Variants in ARID2 observed in about 807,000 individuals in gnomAD.
ARID2 encodes AT-rich interaction domain 2.
In ARID2, 32 loss-of-function variants were observed where a neutral mutation model predicts 184.6. The ratio of observed to expected loss-of-function variants is 0.17; its 90% CI spans 0.13 to 0.23. The LOEUF is 0.23. Among genes scored for constraint, ARID2 ranks in the 10% least tolerant of loss-of-function variants. The probability of loss-of-function intolerance (pLI) is 1.00; values close to 1 mark genes in which losing one functional copy is unlikely to be tolerated. For synonymous variants in ARID2, 836 were observed against 772.6 expected (o/e 1.08, Z -1.36); for missense variants, 1,696 against 2,197.6 (o/e 0.77, Z 4.56).
rs149673062 is a variant in ARID2, at chr12:45,810,131, T to G, written c.285-1287T>G. On this transcript the variant is annotated intron_variant, in intron 3 of 20. Coordinates refer to ENST00000334344, the MANE Select transcript of ARID2 (RefSeq NM_152641.4). ...ACTTTTCTTTGGTAAATGTAAGTCA[T>G]TATATATCAATCAGTTTAACTTCTT... 8.0e-3 allele frequency among the ~76,000 whole-genome samples: 1,224 copies of G among 152,320 alleles called. 19 individuals carry two copies. The highest frequency in any genetic ancestry group is 0.068 in the South Asian group (326 of 4,822).
At chr12:45,780,423 T>C (rs1335600987) in intron 3 of ARID2, among the ~76,000 whole-genome samples, 7 of 152,266 alleles carry the variant, frequency 4.6e-5, no homozygotes, top group African/African-American at 1.4e-4. Flanking sequence ...AAAAGTGATG[T>C]GATTAGTATC....
chr12:45,899,486 G>C (rs1477528645), intron 20 of ARID2, among the ~76,000 whole-genome samples: 1 of 149,606 alleles, frequency 6.7e-6, no homozygotes, highest in East Asian at 2.0e-4. Context: ...GGCGCCTGTA[G>C]TCCCAGCTAC....
intron 3 of ARID2, among the ~76,000 whole-genome samples, chr12:45,784,782 C>G (rs1430819689): frequency 6.6e-6 from 1 of 152,142 alleles, no homozygotes; most frequent in Non-Finnish European, 1.5e-5. Flanking sequence ...TTGACTAATT[C>G]CAGGCAGACC....
At chr12:45,789,323 G>C (rs1942251106) in intron 3 of ARID2, 1 of 152,066 alleles carries the variant, frequency 6.6e-6, no homozygotes, top group Non-Finnish European at 1.5e-5. Context: ...ATCTTAGGTT[G>C]GTTCTTCAGA....
intron 15 of ARID2, 90 bp from the exon 16 acceptor site, chr12:45,860,711 A>G (rs1183350847): frequency 1.7e-5 from 20 of 1,145,720 alleles, no homozygotes; most frequent in Non-Finnish European, 2.2e-5. Context: ...AGAAATGTAT[A>G]ACAACATAAT....
Position 45,847,039 on chromosome 12 carries a change from T to C in ARID2, c.1580+102T>C, listed in dbSNP as rs118134963. On this transcript the variant is annotated intron_variant, in intron 12 of 20. Transcript: ENST00000334344. ...ACATCCAGAATGTTTTGTTCTGTATTCCTTTTTAGTTAGAGTAGAATATCA... is the reference window on the plus strand; with the variant it reads ...ACATCCAGAATGTTTTGTTCTGTATCCCTTTTTAGTTAGAGTAGAATATCA... 6.7e-4 allele frequency: 661 copies of C among 991,412 alleles called. 3 individuals carry two copies. In the East Asian group the frequency reaches 0.015, roughly 22 times the overall value. 61.4% of individuals were successfully genotyped at this position (991,412 alleles called of 1,614,324 possible).
At position 45,852,199 on chromosome 12, in the gene ARID2, A is replaced by G. The variant is rs745425739; in HGVS notation, c.4076A>G (p.Asn1359Ser). 6.2e-7 allele frequency: 1 copy of G among 1,614,166 alleles called. No homozygotes were observed. The highest frequency in any genetic ancestry group is 8.5e-7 in the Non-Finnish European group (1 of 1,180,016). Residue 1359 changes from asparagine (N) to serine (S), a missense_variant, in exon 15 of 21, where the codon AAT becomes AGT. By Grantham distance (46) the Asn-to-Ser change is conservative. Around this residue, in one of 11 missense-constraint regions of ARID2, gnomAD observed 428 missense variants for 409.1 expected, o/e 1.05. Transcript: ENST00000334344. ...AGTGATTTGAGAAAACCGCTAGTTA[A>G]TGGAATCTGTGATTTTGATAAAGGA... ...IKSDLRKPLV[N>S]GICDFDKGDG...
chr12:45,830,244 G>T (rs953771047), intron 6 of ARID2, among the ~76,000 whole-genome samples: 1 of 151,954 alleles, frequency 6.6e-6, no homozygotes, highest in Non-Finnish European at 1.5e-5. Context: ...TTTTTGTAGG[G>T]TTTTTGTACA....
intron 3 of ARID2, among the ~76,000 whole-genome samples, chr12:45,806,373 G>A (rs1942601259): frequency 6.6e-6 from 1 of 152,072 alleles, no homozygotes; most frequent in South Asian, 2.1e-4. Flanking sequence ...GGAACTTTTT[G>A]ATGTTTACAT....
At chr12:45,847,534 A>T (rs1433422963) in intron 12 of ARID2, among the ~76,000 whole-genome samples, 1 of 152,088 alleles carries the variant, frequency 6.6e-6, no homozygotes, top group African/African-American at 2.4e-5. Context: ...TAAAAATTTC[A>T]CTTGTTATGG....
intron 11 of ARID2, among the ~76,000 whole-genome samples, chr12:45,843,828 T>C (rs970259901): frequency 2.0e-5 from 3 of 152,214 alleles, no homozygotes; most frequent in African/African-American, 7.2e-5. Flanking sequence ...CTAGTAAAGA[T>C]AGTTTTTATT....
intron 16 of ARID2, among the ~76,000 whole-genome samples, chr12:45,870,753 C>G (rs1943914644): frequency 6.6e-6 from 1 of 152,088 alleles, no homozygotes; most frequent in African/African-American, 2.4e-5. Flanking sequence ...GTAATATGCA[C>G]ATAAGTTTTC....
intron 15 of ARID2, among the ~76,000 whole-genome samples, chr12:45,858,019 CA>C (rs1379925360): frequency 1.3e-5 from 2 of 152,212 alleles, no homozygotes; most frequent in Non-Finnish European, 2.9e-5. Context: ...CTTGGCCTCC[CA>C]AAGTGCTGGG....
At chr12:45,864,371 G>A (rs1943800819) in intron 16 of ARID2, among the ~76,000 whole-genome samples, 3 of 152,048 alleles carry the variant, frequency 2.0e-5, no homozygotes, top group African/African-American at 7.2e-5. Flanking sequence ...TCCTGTCAGT[G>A]TTTACATTTC....
At position 45,850,628 on chromosome 12, in the gene ARID2, G is replaced by T. The variant is rs778117927; in HGVS notation, c.2505G>T (p.Gln835His). The T allele has an allele frequency of 3.1e-6, 5 of 1,613,948 alleles. No individual in the cohort carries two copies. In the Admixed American group the frequency reaches 8.3e-5, roughly 27 times the overall value. ...SPQPVQTSSQ[Q>H]TSAGSQSQDT... ...AACCTGTGCAAACTTCATCTCAACA[G>T]ACATCAGCTGGTAGCCAGTCACAAG... Residue 835 changes from glutamine to histidine, a missense_variant, in exon 15 of 21, where the codon CAG becomes CAT. By Grantham distance (24) the Gln-to-His change is conservative. This residue lies in a region of ARID2 where 713 missense variants were observed against 824.4 expected (regional missense o/e 0.86). Transcript: ENST00000334344.
intron 15 of ARID2, among the ~76,000 whole-genome samples, chr12:45,856,522 G>A (rs1943654317): frequency 6.6e-6 from 1 of 152,144 alleles, no homozygotes; most frequent in Non-Finnish European, 1.5e-5. Context: ...AATTTCAAGG[G>A]ATCTAGGGAT....
chr12:45,788,270 AT>A (rs749227300), intron 3 of ARID2, among the ~76,000 whole-genome samples: 22 of 152,158 alleles, frequency 1.4e-4, no homozygotes, highest in Non-Finnish European at 2.8e-4. Flanking sequence ...ATAGCAACTT[AT>A]GCCTTGCTCA....
intron 20 of ARID2, among the ~76,000 whole-genome samples, chr12:45,899,056 G>A (rs555203083): frequency 4.0e-5 from 6 of 150,970 alleles, no homozygotes; most frequent in Admixed American, 6.6e-5. Flanking sequence ...GGTGAATCAC[G>A]AGGTCAAGAT....
Position 45,836,482 on chromosome 12 carries a change from C to A in ARID2, c.706-107C>A, listed in dbSNP as rs1031125900. The A allele has an allele frequency of 2.2e-5, 23 of 1,058,852 alleles. No homozygotes were observed. The African/African-American group carries it at 2.6e-4, about 12-fold the overall frequency. 65.6% of individuals were successfully genotyped at this position (1,058,852 alleles called of 1,614,324 possible). A position where few individuals can be genotyped will look rare whatever the true frequency, so the allele number is the denominator to read the frequency against. On this transcript the variant is annotated intron_variant, in intron 6 of 20. Coordinates refer to ENST00000334344, the MANE Select transcript of ARID2 (RefSeq NM_152641.4). ...CCTCCCATCTTGGCCTCTTAAAGTG[C>A]TGGGATTACAGGCATGAGCCACCAT...
Sources: allele counts gnomAD v4.1 joint callset (sites outside exome capture counted in the v4.1 genomes callset), GRCh38; gene constraint gnomAD v4.1.1; regional missense constraint gnomAD v4.1.1; transcripts MANE v1.5; gene names NCBI Gene and HGNC (gene_info 2026-07-23, HGNC 2026-07-21).